DOCK9: variants seen among roughly 807,000 people sequenced by gnomAD.
DOCK9 encodes dedicator of cytokinesis 9.
DOCK9 carries 89 observed loss-of-function variants against 263.3 expected under a neutral mutation model. The observed-to-expected ratio is 0.34, with a 90% CI of 0.28 to 0.40. The LOEUF (loss-of-function observed/expected upper bound fraction) is 0.40. DOCK9 is among the 10% of genes least tolerant of loss of function. The pLI, the probability that DOCK9 is intolerant of heterozygous loss-of-function variation, is 1.00. For missense variants in DOCK9, 2,140 were observed against 2,603.4 expected (o/e 0.82, Z 3.87); for synonymous variants, 976 against 973.1 (o/e 1.00, Z -0.06).
At chr13:99,033,483 C>T (rs955858670) in intron 1 of DOCK9, among the ~76,000 whole-genome samples, 1 of 152,200 alleles carries the variant, frequency 6.6e-6, no homozygotes, top group African/African-American at 2.4e-5. Context: ...GAACTAATGC[C>T]GTCAACAAAC....
At chr13:98,796,785 A>G (rs911135533) in intron 52 of DOCK9, among the ~76,000 whole-genome samples, 20 of 152,210 alleles carry the variant, frequency 1.3e-4, no homozygotes, top group African/African-American at 4.8e-4. Context: ...TTGTCAGAAC[A>G]GTATGGATAT....
chr13:98,914,341 G>A lies in DOCK9; in HGVS notation c.947C>T (p.Pro316Leu), dbSNP rs747392034. The change falls in exon 9 of 53, where the codon CCG becomes CTG. Residue 316 changes from proline (P) to leucine (L), a missense_variant. Transcript: ENST00000682017. ...GSGSGLDSYL[P>L]ELAKSAREAE... ...AGACGATGTTACCTTGGCAAGTTCC[G>A]GCAGGTAGCTATCTAAACCGGAACC... The A allele has an allele frequency of 9.3e-6, 15 of 1,608,698 alleles. No homozygotes were observed. The highest frequency in any genetic ancestry group is 1.6e-4 in the Middle Eastern group (1 of 6,076).
intron 32 of DOCK9, 78 bp downstream of exon 32, chr13:98,862,941 C>A (rs1273746036): frequency 1.8e-5 from 23 of 1,269,842 alleles, no homozygotes; most frequent in Non-Finnish European, 2.3e-5. Context: ...CTGCTCTAAG[C>A]CACCCAGCTT....
intron 27 of DOCK9, among the ~76,000 whole-genome samples, chr13:98,874,576 T>TC (rs1192816451): frequency 6.6e-6 from 1 of 152,228 alleles, no homozygotes; most frequent in African/African-American, 2.4e-5. Flanking sequence ...CATAATGCTC[T>TC]CCATCCTCAT....
chr13:99,086,834 GA>G (rs1470028638), upstream of DOCK9, among the ~76,000 whole-genome samples: 4 of 150,390 alleles, frequency 2.7e-5, no homozygotes, highest in Non-Finnish European at 5.9e-5. Context: ...TGCCGCGCGG[GA>G]CCCTCACTGG....
chr13:99,057,879 T>A (rs952753422), intron 1 of DOCK9, among the ~76,000 whole-genome samples: 13 of 152,218 alleles, frequency 8.5e-5, no homozygotes, highest in Admixed American at 7.2e-4. Context: ...TTTCTTATAC[T>A]GATAATACAC....
rs1472793834 is a variant in DOCK9, at chr13:98,939,600, C to T, written c.244-9343G>A. On this transcript the variant is annotated intron_variant, in intron 2 of 52. Transcript: ENST00000682017. ...GGGTGGGCCTGGGGCGGGGGCAAGGCACAATATGCAGAGCTCAGGAGACGG... is the reference window on the plus strand; with the variant it reads ...GGGTGGGCCTGGGGCGGGGGCAAGGTACAATATGCAGAGCTCAGGAGACGG... 2.0e-5 allele frequency among the ~76,000 whole-genome samples: 3 copies of T among 152,194 alleles called. No individual in the cohort carries two copies. In the East Asian group the frequency reaches 5.8e-4, roughly 29 times the overall value.
upstream of DOCK9, among the ~76,000 whole-genome samples, chr13:98,979,892 A>G (rs907578475): frequency 2.0e-5 from 3 of 152,262 alleles, no homozygotes; most frequent in African/African-American, 7.2e-5. Flanking sequence ...TTAGTAAAGG[A>G]CAGCCCAACC....
At chr13:99,001,634 T>C (rs977882440) in intron 1 of DOCK9, among the ~76,000 whole-genome samples, 2 of 152,168 alleles carry the variant, frequency 1.3e-5, no homozygotes, top group African/African-American at 4.8e-5. Context: ...CAAAACAAGA[T>C]GATAAGCCTA....
In DOCK9 at chr13:98,817,984, G is replaced by C. The variant is rs112473848; in HGVS notation, c.5130+6414C>G. ...ATTTCGTCTTCTTTTCTGACTCAGA[G>C]GCCATTCAAATTCTATAGTTTATCA... On this transcript the variant is annotated intron_variant, in intron 45 of 52. Coordinates refer to ENST00000682017, the MANE Select transcript of DOCK9 (RefSeq NM_001366683.2). 4.2e-3 allele frequency among the ~76,000 whole-genome samples: 643 copies of C among 152,130 alleles called. 5 individuals carry two copies. Among genetic ancestry groups the C allele is most frequent in the Non-Finnish European group, 5.9e-3 (404 of 67,988 alleles).
At chr13:98,956,640 G>T (rs1291805202) in intron 1 of DOCK9, among the ~76,000 whole-genome samples, 2 of 152,030 alleles carry the variant, frequency 1.3e-5, no homozygotes, top group African/African-American at 4.8e-5. Flanking sequence ...CCAGCTACTC[G>T]GGAGGCCGAG....
Position 98,886,626 on chromosome 13 carries a change from T to G in DOCK9, c.2044-2A>C. On this transcript the variant is annotated splice_acceptor_variant, in intron 18 of 52. Coordinates refer to ENST00000682017, the MANE Select transcript of DOCK9 (RefSeq NM_001366683.2). LOFTEE classifies it high-confidence loss of function. ...CCCACCAGGTCTGCCATAAATGCAC[T>G]AAAATAAGAGTTACCAAAGGGAAAC... 1.2e-6 allele frequency: 2 copies of G among 1,612,988 alleles called. No individual in the cohort carries two copies. Among genetic ancestry groups the G allele is most frequent in the Non-Finnish European group, 1.7e-6 (2 of 1,179,076 alleles).
intron 1 of DOCK9, among the ~76,000 whole-genome samples, chr13:99,005,382 T>C (rs1656581516): frequency 6.6e-6 from 1 of 152,204 alleles, no homozygotes; most frequent in African/African-American, 2.4e-5. Context: ...ATTTCTTGTT[T>C]TCATTTTTCC....
chr13:98,853,423 T>C lies in DOCK9; in HGVS notation c.3931A>G (p.Lys1311Glu), dbSNP rs202095260. ...SLLMCFLYIL[K>E]SMSDDALFTY... ...TTTAACCTACCATCAGACATGCTCTTTAAGATGTAGAGGAAACACATCAGT... is the reference window on the plus strand; with the variant it reads ...TTTAACCTACCATCAGACATGCTCTCTAAGATGTAGAGGAAACACATCAGT... Residue 1311 changes from lysine to glutamate, a missense_variant, in exon 35 of 53, where the codon AAG becomes GAG. Physicochemically the swap from Lys to Glu is moderately conservative, Grantham distance 56. Around this residue, in one of 2 missense-constraint regions of DOCK9, gnomAD observed 1,521 missense variants for 1,741.7 expected, o/e 0.87. Coordinates refer to ENST00000682017, the MANE Select transcript of DOCK9 (RefSeq NM_001366683.2). 2 of 1,608,864 alleles carry C rather than the reference T, an allele frequency of 1.2e-6. No individual in the cohort carries two copies. Among genetic ancestry groups the C allele is most frequent in the East Asian group, 4.5e-5 (2 of 44,674 alleles).
At chr13:98,886,926 C>T (rs1181383706) in intron 18 of DOCK9, among the ~76,000 whole-genome samples, 1 of 151,966 alleles carries the variant, frequency 6.6e-6, no homozygotes, top group Non-Finnish European at 1.5e-5. Context: ...AAATAACCTT[C>T]GCTTCTGCAT....
At position 98,942,243 on chromosome 13, in the gene DOCK9, T is replaced by TTG. The variant is rs1310873211; in HGVS notation, c.244-11987_244-11986insCA. ...ATGTTTTTTTTTTTGTTGTTTTTTT[T>TTG]TTTTGTTTTTTTGAGACAGAGTCTC... On this transcript the variant is annotated intron_variant, in intron 2 of 52. Transcript: ENST00000682017. 1.3e-3 allele frequency among the ~76,000 whole-genome samples: 194 copies of TTG among 149,788 alleles called. 1 individual carries two copies. Among genetic ancestry groups the TTG allele is most frequent in the Admixed American group, 2.5e-3 (38 of 15,090 alleles).
intron 1 of DOCK9, among the ~76,000 whole-genome samples, chr13:98,997,506 T>C (rs1427655555): frequency 6.6e-6 from 1 of 152,200 alleles, no homozygotes; most frequent in African/African-American, 2.4e-5. Flanking sequence ...ACCACTAGAT[T>C]CCTATTTGCC....
At chr13:98,926,020 C>CA in intron 3 of DOCK9, 101 bp from the exon 4 acceptor site, 2 of 891,898 alleles carry the variant, frequency 2.2e-6, no homozygotes, top group Non-Finnish European at 1.6e-6. Flanking sequence ...ATAGAAACAT[C>CA]AAAAAAATTT....
chr13:98,939,773 G>T (rs1178413845), intron 2 of DOCK9, among the ~76,000 whole-genome samples: 1 of 152,218 alleles, frequency 6.6e-6, no homozygotes, highest in Non-Finnish European at 1.5e-5. Context: ...CAAATGGAGA[G>T]CATCCACGTC....
Sources: gnomAD v4.1 joint callset for allele counts (sites outside exome capture counted in the v4.1 genomes callset) on GRCh38, gnomAD v4.1.1 for gene constraint, gnomAD v4.1.1 regional missense constraint, MANE v1.5 for transcripts, NCBI Gene and HGNC (gene_info 2026-07-23, HGNC 2026-07-21) for gene names.